The following ADAMTS15 variants were observed in gnomAD, a reference collection of about 807,000 sequenced individuals.
ADAMTS15 encodes the protein A disintegrin and metalloproteinase with thrombospondin motifs 15.
ADAMTS15 carries 35 observed loss-of-function variants against 79.1 expected under a neutral mutation model. The ratio of observed to expected loss-of-function variants is 0.44; its 90% CI spans 0.34 to 0.59. The LOEUF (loss-of-function observed/expected upper bound fraction) is 0.59, where lower values mean the gene tolerates loss of function less well. Among genes scored for constraint, ADAMTS15 ranks in the 20% least tolerant of loss-of-function variants. The probability of loss-of-function intolerance (pLI) is 0.02; values close to 1 mark genes in which losing one functional copy is unlikely to be tolerated. For missense variants in ADAMTS15, 1,324 were observed against 1,318.7 expected (o/e 1.00, Z -0.06); for synonymous variants, 616 against 567.3 (o/e 1.09, Z -1.22).
At chr11:130,456,239 T>C (rs939164922) in intron 1 of ADAMTS15, among the ~76,000 whole-genome samples, 1 of 152,158 alleles carries the variant, frequency 6.6e-6, no homozygotes, top group Non-Finnish European at 1.5e-5. Context: ...TTAGCTATTA[T>C]CGCTCTTCTT....
At position 130,470,152 on chromosome 11, in the gene ADAMTS15, G is replaced by GTATATA. The variant is rs1157689519; in HGVS notation, c.1720+714_1720+715insATATAT. 5.2e-4 allele frequency among the ~76,000 whole-genome samples: 38 copies of GTATATA among 73,742 alleles called. 1 individual carries two copies. The highest frequency in any genetic ancestry group is 6.6e-4 in the Non-Finnish European group (28 of 42,610). 48.4% of individuals were successfully genotyped at this position (73,742 alleles called of 152,430 possible). On this transcript the variant is annotated intron_variant, in intron 5 of 7. Coordinates refer to ENST00000299164, the MANE Select transcript of ADAMTS15 (RefSeq NM_139055.4). Reference sequence around the variant, plus strand: ...TATATACATATATATATATATATATGTGTATATATATATATATATATATAT... The same window carrying GTATATA: ...TATATACATATATATATATATATATGTATATATGTATATATATATATATATATATAT...
At chr11:130,450,462 T>C (rs1937941291) in intron 1 of ADAMTS15, 1 of 984,126 alleles carries the variant, frequency 1.0e-6, no homozygotes, top group South Asian at 4.7e-5. Context: ...AAAGCCTGGA[T>C]TGGGGTGGAG....
At chr11:130,456,241 G>A (rs990596064) in intron 1 of ADAMTS15, among the ~76,000 whole-genome samples, 8 of 152,026 alleles carry the variant, frequency 5.3e-5, no homozygotes, top group East Asian at 1.9e-4. Flanking sequence ...AGCTATTATC[G>A]CTCTTCTTGT....
chr11:130,459,274 C>T (rs113143681), intron 1 of ADAMTS15, among the ~76,000 whole-genome samples: 93 of 152,190 alleles, frequency 6.1e-4, no homozygotes, highest in African/African-American at 2.2e-3. Flanking sequence ...GCAGGAGAAT[C>T]GCTTGAACCT....
chr11:130,459,664 C>G (rs1470258993), intron 1 of ADAMTS15, among the ~76,000 whole-genome samples: 3 of 152,216 alleles, frequency 2.0e-5, no homozygotes, highest in Non-Finnish European at 4.4e-5. Context: ...GCAGGGCACA[C>G]ATCACTGCCT....
intron 1 of ADAMTS15, among the ~76,000 whole-genome samples, chr11:130,452,561 G>A (rs1001831933): frequency 2.6e-5 from 4 of 152,170 alleles, no homozygotes; most frequent in Non-Finnish European, 4.4e-5. Flanking sequence ...TAACGCTGCC[G>A]TTTGGGTGAC....
intron 4 of ADAMTS15, among the ~76,000 whole-genome samples, chr11:130,467,344 A>T (rs1651371508): frequency 6.6e-6 from 1 of 152,112 alleles, no homozygotes; most frequent in Admixed American, 6.5e-5. Flanking sequence ...GAAAGAGCAA[A>T]CGTGGGTGAC....
In ADAMTS15 at chr11:130,448,897, T is replaced by C; in HGVS notation, c.-77T>C. Reference sequence around the variant, plus strand: ...GCGTTGGCGGTTCCAGAGTGCGGGCTGCACGGAGACCGCGGCAGCGGCCGG... The same window carrying C: ...GCGTTGGCGGTTCCAGAGTGCGGGCCGCACGGAGACCGCGGCAGCGGCCGG... On this transcript the variant is annotated 5_prime_UTR_variant, in exon 1 of 8. Transcript: ENST00000299164. 8.3e-7 allele frequency: 1 copy of C among 1,203,152 alleles called. No individual in the cohort carries two copies. The highest frequency in any genetic ancestry group is 1.1e-6 in the Non-Finnish European group (1 of 904,394). 74.5% of individuals were successfully genotyped at this position (1,203,152 alleles called of 1,614,324 possible). A position where few individuals can be genotyped will look rare whatever the true frequency, so the allele number is the denominator to read the frequency against.
In ADAMTS15 at chr11:130,470,181, T is replaced by TAC. The variant is rs1565397812; in HGVS notation, c.1721-739_1721-738insAC. Reference sequence around the variant, plus strand: ...ATATATATATATATATATATATATATGTGTGTATATATATATATATATATA... The same window carrying TAC: ...ATATATATATATATATATATATATATACGTGTGTATATATATATATATATATA... On this transcript the variant is annotated intron_variant, in intron 5 of 7. Coordinates refer to ENST00000299164, the MANE Select transcript of ADAMTS15 (RefSeq NM_139055.4). 1.3e-3 allele frequency among the ~76,000 whole-genome samples: 53 copies of TAC among 40,196 alleles called. 2 individuals carry two copies. The highest frequency in any genetic ancestry group is 6.1e-3 in the African/African-American group (44 of 7,196). The allele number at this position is 40,196 out of a possible 152,430, so 26.4% of individuals were successfully genotyped here.
At position 130,462,959 on chromosome 11, in the gene ADAMTS15, T is replaced by C. The variant is rs1477871574; in HGVS notation, c.1542+179T>C. Among the ~76,000 whole-genome samples, 1 of 151,922 alleles carries C rather than the reference T, an allele frequency of 6.6e-6. No individual in the cohort carries two copies. The highest frequency in any genetic ancestry group is 1.9e-4 in the East Asian group (1 of 5,204). On this transcript the variant is annotated intron_variant, in intron 4 of 7. Coordinates refer to ENST00000299164, the MANE Select transcript of ADAMTS15 (RefSeq NM_139055.4). This position sits in a 1 kb window ranked among gnomAD's most constrained non-coding sequence, Gnocchi z 4.3. ...CCTGTATATAGTCCTATCCCCTTCT[T>C]GACTCTAAGACCGGAGAGAAAAGCT...
In ADAMTS15 at chr11:130,469,343, C is replaced by T; in HGVS notation, c.1624C>T (p.Gln542Ter). The change falls in exon 5 of 8, where the codon CAG (glutamine) becomes TAG (stop). Residue 542 changes from glutamine to a stop codon, truncating the protein, a stop_gained. Transcript: ENST00000299164. LOFTEE classifies it high-confidence loss of function. ...TGGGGGCGTGCAGCTGGCCAGGAGGCAGTGCACCAACCCCACCCCTGCCAA... is the reference window on the plus strand; with the variant it reads ...TGGGGGCGTGCAGCTGGCCAGGAGGTAGTGCACCAACCCCACCCCTGCCAA... ...CGGGVQLARR[Q>*]CTNPTPANGG... 1.5e-6 allele frequency: 2 copies of T among 1,367,342 alleles called. No homozygotes were observed. The highest frequency in any genetic ancestry group is 1.9e-6 in the Non-Finnish European group (2 of 1,052,316). The allele number at this position is 1,367,342 out of a possible 1,614,324, so 84.7% of individuals were successfully genotyped here. A position where few individuals can be genotyped will look rare whatever the true frequency, so the allele number is the denominator to read the frequency against.
chr11:130,462,295 G>A lies in ADAMTS15; in HGVS notation c.1258+41G>A. The A allele has an allele frequency of 6.4e-7, 1 of 1,574,756 alleles. No homozygotes were observed. Among genetic ancestry groups the A allele is most frequent in the Non-Finnish European group, 8.6e-7 (1 of 1,158,956 alleles). Reference sequence around the variant, plus strand: ...GGGAGGGCAATGAGGCCGCCTCGGAGGGGGCTTTGCTGCTGCCCCTGGTGG... The same window carrying A: ...GGGAGGGCAATGAGGCCGCCTCGGAAGGGGCTTTGCTGCTGCCCCTGGTGG... On this transcript the variant is annotated intron_variant, in intron 3 of 7. Transcript: ENST00000299164. This position sits in a 1 kb window ranked among gnomAD's most constrained non-coding sequence, Gnocchi z 4.3.
intron 1 of ADAMTS15, among the ~76,000 whole-genome samples, chr11:130,457,808 T>G (rs915159290): frequency 1.3e-5 from 2 of 152,174 alleles, no homozygotes; most frequent in African/African-American, 4.8e-5. Flanking sequence ...GCGTTCAAAG[T>G]GCAGAGGCCC....
intron 1 of ADAMTS15, among the ~76,000 whole-genome samples, chr11:130,459,700 C>T (rs562852896): frequency 1.3e-5 from 2 of 152,350 alleles, no homozygotes; most frequent in East Asian, 3.9e-4. Flanking sequence ...TCAGGCTGGT[C>T]ACCCTCGGAA....
At chr11:130,457,280 C>T (rs1245573745) in intron 1 of ADAMTS15, among the ~76,000 whole-genome samples, 2 of 151,518 alleles carry the variant, frequency 1.3e-5, no homozygotes, top group Non-Finnish European at 2.9e-5. Context: ...ATCCCTCTGT[C>T]TTTGTACTGC....
In ADAMTS15 at chr11:130,475,035, A is replaced by G. The variant is rs568725983; in HGVS notation, c.*1214A>G. ...CTCAGATTATGCCCTCTGGGAACCC[A>G]GCCGTATCCCTCCCCTAGGACAGTG... On this transcript the variant is annotated 3_prime_UTR_variant, in exon 8 of 8. Coordinates refer to ENST00000299164, the MANE Select transcript of ADAMTS15 (RefSeq NM_139055.4). 3.3e-5 allele frequency: 5 copies of G among 152,508 alleles called. No individual in the cohort carries two copies. The East Asian group carries it at 9.6e-4, about 29-fold the overall frequency. 9.4% of individuals were successfully genotyped at this position (152,508 alleles called of 1,614,324 possible). A position where few individuals can be genotyped will look rare whatever the true frequency, so the allele number is the denominator to read the frequency against.
intron 6 of ADAMTS15, 46 bp from the exon 7 acceptor site, chr11:130,471,162 G>A (rs1354608763): frequency 6.3e-7 from 1 of 1,589,322 alleles, no homozygotes; most frequent in African/African-American, 1.3e-5. Flanking sequence ...AGCATCAGCT[G>A]AGCTGCCCTG....
chr11:130,460,567 G>A (rs1184333401), intron 1 of ADAMTS15, among the ~76,000 whole-genome samples: 3 of 152,140 alleles, frequency 2.0e-5, no homozygotes, highest in East Asian at 3.9e-4. Flanking sequence ...GTGGGCCACC[G>A]TGCCTGGCCC....
At position 130,474,143 on chromosome 11, in the gene ADAMTS15, C is replaced by T. The variant is rs1258601605; in HGVS notation, c.*322C>T. On this transcript the variant is annotated 3_prime_UTR_variant, in exon 8 of 8. Coordinates refer to ENST00000299164, the MANE Select transcript of ADAMTS15 (RefSeq NM_139055.4). ...GAGGATGGGCACCTTCCAGGCAGAA[C>T]TTCAGGGACCCCGGCCCCCAGAACG... 3.5e-6 allele frequency: 1 copy of T among 283,108 alleles called. No individual in the cohort carries two copies. The highest frequency in any genetic ancestry group is 6.6e-6 in the Non-Finnish European group (1 of 151,546). 17.5% of individuals were successfully genotyped at this position (283,108 alleles called of 1,614,324 possible). A position where few individuals can be genotyped will look rare whatever the true frequency, so the allele number is the denominator to read the frequency against.
Sources: gnomAD v4.1 joint callset for allele counts (sites outside exome capture counted in the v4.1 genomes callset) on GRCh38, gnomAD v4.1.1 for gene constraint, Gnocchi (gnomAD v3.1) non-coding constraint, MANE v1.5 for transcripts, NCBI Gene and HGNC (gene_info 2026-07-23, HGNC 2026-07-21) for gene names.